The following ASTN2 variants were observed in gnomAD, a reference collection of about 807,000 sequenced individuals.
ASTN2 encodes astrotactin 2, also known as astrotactin-2.
In ASTN2, 54 loss-of-function variants were observed where a neutral mutation model predicts 139.8. The observed-to-expected ratio is 0.39, with a 90% CI of 0.31 to 0.48. The LOEUF (loss-of-function observed/expected upper bound fraction) is 0.48. Among genes scored for constraint, ASTN2 ranks in the 20% least tolerant of loss-of-function variants. The pLI is 0.95. For missense variants in ASTN2, 1,565 were observed against 1,725.1 expected (o/e 0.91, Z 1.64); for synonymous variants, 756 against 719.5 (o/e 1.05, Z -0.81).
At chr9:117,285,418 G>A (rs989352148) in intron 2 of ASTN2, among the ~76,000 whole-genome samples, 15 of 151,338 alleles carry the variant, frequency 9.9e-5, no homozygotes, top group African/African-American at 3.4e-4. Context: ...ATGAAAAAAC[G>A]TCACGGTTGG....
chr9:116,964,252 TGTGTGCGC>T (rs1442912303), intron 10 of ASTN2, among the ~76,000 whole-genome samples: 2 of 128,876 alleles, frequency 1.6e-5, no homozygotes, highest in African/African-American at 6.2e-5. Flanking sequence ...TGTGTGTGTG[TGTGTGCGC>T]GCGCGCGCGT....
intron 13 of ASTN2, among the ~76,000 whole-genome samples, chr9:116,746,976 C>T (rs997312178): frequency 7.9e-5 from 12 of 152,296 alleles, no homozygotes; most frequent in Admixed American, 6.5e-4. Context: ...GTAGGGGAGA[C>T]AATCCATTCA....
At chr9:117,405,373 T>C (rs929527801) in intron 1 of ASTN2, among the ~76,000 whole-genome samples, 1 of 152,212 alleles carries the variant, frequency 6.6e-6, no homozygotes, top group African/African-American at 2.4e-5. Flanking sequence ...GAACTCACCC[T>C]ATAACATGGG....
At chr9:117,032,206 G>A (rs1046361527) in intron 6 of ASTN2, among the ~76,000 whole-genome samples, 1 of 152,212 alleles carries the variant, frequency 6.6e-6, no homozygotes, top group Admixed American at 6.5e-5. Context: ...AGAGGAGGGA[G>A]CAAACTAAGT....
chr9:117,348,744 A>G (rs890276197), intron 1 of ASTN2, among the ~76,000 whole-genome samples: 1 of 152,170 alleles, frequency 6.6e-6, no homozygotes, highest in Non-Finnish European at 1.5e-5. Context: ...CTCAACTTGT[A>G]TTTTATAAGT....
chr9:117,373,796 A>G (rs1164201155), intron 1 of ASTN2, among the ~76,000 whole-genome samples: 1 of 152,222 alleles, frequency 6.6e-6, no homozygotes, highest in Non-Finnish European at 1.5e-5. Context: ...AAGATCTCAC[A>G]GAAGTATCTA....
chr9:116,579,749 C>A (rs893958161), intron 19 of ASTN2, among the ~76,000 whole-genome samples: 1 of 152,088 alleles, frequency 6.6e-6, no homozygotes, highest in Non-Finnish European at 1.5e-5. Flanking sequence ...ATAAAATAAC[C>A]CCGGCTCTGC....
chr9:116,921,392 T>C (rs995142319), intron 10 of ASTN2, among the ~76,000 whole-genome samples: 1 of 113,710 alleles, frequency 8.8e-6, no homozygotes, highest in African/African-American at 2.5e-5. Flanking sequence ...ATTGAGACAA[T>C]ACTGACTAAC....
intron 11 of ASTN2, among the ~76,000 whole-genome samples, chr9:116,853,556 C>G (rs558487837): frequency 6.6e-6 from 1 of 152,256 alleles, no homozygotes; most frequent in South Asian, 2.1e-4. Context: ...TGCATTGCCT[C>G]TTGTATCTGG....
At chr9:116,901,721 C>T (rs1444681157) in intron 10 of ASTN2, among the ~76,000 whole-genome samples, 1 of 152,022 alleles carries the variant, frequency 6.6e-6, no homozygotes, top group African/African-American at 2.4e-5. Flanking sequence ...AGAGTATATT[C>T]CTACTTATAT....
At chr9:117,172,440 T>C (rs1830816558) in intron 3 of ASTN2, among the ~76,000 whole-genome samples, 1 of 152,204 alleles carries the variant, frequency 6.6e-6, no homozygotes, top group Admixed American at 6.5e-5. Context: ...AAACCAAGAA[T>C]ACATTTAAGT....
intron 1 of ASTN2, among the ~76,000 whole-genome samples, chr9:117,357,561 G>A (rs1483880650): frequency 6.6e-6 from 1 of 151,912 alleles, no homozygotes; most frequent in Non-Finnish European, 1.5e-5. Context: ...GGATGCAGGT[G>A]AGCATTTCTC....
intron 20 of ASTN2, among the ~76,000 whole-genome samples, chr9:116,472,444 C>T (rs1848841343): frequency 6.6e-6 from 1 of 152,210 alleles, no homozygotes; most frequent in Admixed American, 6.5e-5. Context: ...GGCAAATCAC[C>T]TTCTACCCCC....
At chr9:116,733,613 T>C in intron 13 of ASTN2, 90 bp from the exon 14 acceptor site, 2 of 1,533,742 alleles carry the variant, frequency 1.3e-6, no homozygotes, top group Non-Finnish European at 1.8e-6. Context: ...GTAGTCAGAA[T>C]AAAGACTCAT....
intron 19 of ASTN2, among the ~76,000 whole-genome samples, chr9:116,550,604 C>T (rs552924651): frequency 6.6e-6 from 1 of 152,202 alleles, no homozygotes; most frequent in Non-Finnish European, 1.5e-5. Context: ...AAGAATGCGT[C>T]CAACAGTGCT....
chr9:116,948,785 G>GTTTTTTTTTTTTTGTTTTTT (rs1835472398), intron 10 of ASTN2, among the ~76,000 whole-genome samples: 5 of 49,472 alleles, frequency 1.0e-4, no homozygotes, highest in Non-Finnish European at 1.3e-4. Flanking sequence ...ATAATTTGGT[G>GTTTTTTTTTTTTTGTTTTTT]TTTTTTTTTT....
At chr9:117,084,029 T>A (rs1396056603) in intron 5 of ASTN2, among the ~76,000 whole-genome samples, 1 of 121,480 alleles carries the variant, frequency 8.2e-6, no homozygotes, top group Non-Finnish European at 1.7e-5. Flanking sequence ...CCAGAAGGGA[T>A]CTTTAAGAAA....
At chr9:117,162,151 T>C (rs866637452) in intron 3 of ASTN2, among the ~76,000 whole-genome samples, 1 of 152,074 alleles carries the variant, frequency 6.6e-6, no homozygotes, top group African/African-American at 2.4e-5. Context: ...TAGTAAACTA[T>C]TAAACTTTTC....
chr9:117,159,572 A>C (rs367959330), intron 3 of ASTN2, among the ~76,000 whole-genome samples: 3 of 152,024 alleles, frequency 2.0e-5, no homozygotes, highest in East Asian at 3.9e-4. Context: ...TTTATTGAGC[A>C]TCAATTCATT....
Sources: gnomAD v4.1 joint callset for allele counts (sites outside exome capture counted in the v4.1 genomes callset) on GRCh38, gnomAD v4.1.1 for gene constraint, MANE v1.5 for transcripts, NCBI Gene and HGNC (gene_info 2026-07-23, HGNC 2026-07-21) for gene names.